The following TBC1D12 variants were observed in gnomAD, a reference collection of about 807,000 sequenced individuals.
TBC1D12 encodes the protein TBC1 domain family, member 12.
Under a neutral mutation model 86.7 loss-of-function variants are expected in TBC1D12, and 56 were observed. The ratio of observed to expected loss-of-function variants is 0.65; its 90% CI spans 0.52 to 0.81. The LOEUF is 0.81. TBC1D12 is among the 30% of genes least tolerant of loss of function. The pLI, the probability that TBC1D12 is intolerant of heterozygous loss-of-function variation, is 0.00. For missense variants in TBC1D12, 1,023 were observed against 1,038.8 expected, an observed-to-expected ratio of 0.98 and a Z score of 0.21; for synonymous variants, 421 against 411.7, an observed-to-expected ratio of 1.02 and a Z score of -0.27.
intron 3 of TBC1D12, among the ~76,000 whole-genome samples, chr10:94,485,663 T>C (rs1229713322): frequency 6.6e-6 from 1 of 151,898 alleles, no homozygotes; most frequent in African/African-American, 2.4e-5. Flanking sequence ...TTGAGTAGGA[T>C]TGTTGTCAGT....
intron 4 of TBC1D12, 22 bp from the exon 5 acceptor site, chr10:94,497,033 A>G (rs750742905): frequency 1.4e-6 from 2 of 1,445,704 alleles, no homozygotes; most frequent in Non-Finnish European, 1.9e-6. Flanking sequence ...GTATTGAAAT[A>G]ATTTTTACTC....
intron 1 of TBC1D12, 138 bp downstream of exon 1, chr10:94,403,722 C>A: frequency 1.9e-6 from 2 of 1,077,802 alleles, no homozygotes; most frequent in South Asian, 1.9e-5. Flanking sequence ...CCACACGCGT[C>A]AGGACTTAGC....
chr10:94,520,295 G>A (rs534196682), intron 9 of TBC1D12, among the ~76,000 whole-genome samples: 1 of 152,192 alleles, frequency 6.6e-6, no homozygotes, highest in East Asian at 1.9e-4. Flanking sequence ...GCTCACGCCT[G>A]TAATCCCAGC....
chr10:94,465,472 GC>G (rs2055792447), intron 2 of TBC1D12, among the ~76,000 whole-genome samples: 2 of 151,762 alleles, frequency 1.3e-5, no homozygotes, highest in Non-Finnish European at 2.9e-5. Context: ...ATGGTGAAAA[GC>G]CATCTCTACT....
chr10:94,532,028 C>T (rs1361551834), intron 12 of TBC1D12, among the ~76,000 whole-genome samples: 2 of 150,594 alleles, frequency 1.3e-5, no homozygotes, highest in Admixed American at 1.3e-4. Flanking sequence ...CTACAGGTGC[C>T]CGCCACCACG....
intron 2 of TBC1D12, among the ~76,000 whole-genome samples, chr10:94,448,256 T>C (rs2055499719): frequency 6.6e-6 from 1 of 152,230 alleles, no homozygotes; most frequent in African/African-American, 2.4e-5. Flanking sequence ...TTGTGAGCAG[T>C]AGTTAAATGT....
chr10:94,454,377 A>C (rs943065500), intron 2 of TBC1D12, among the ~76,000 whole-genome samples: 6 of 152,014 alleles, frequency 3.9e-5, no homozygotes, highest in Non-Finnish European at 7.4e-5. Flanking sequence ...ATGCCGGGCT[A>C]ATTTTCTATT....
intron 1 of TBC1D12, among the ~76,000 whole-genome samples, chr10:94,420,862 A>G (rs2134062161): frequency 6.6e-6 from 1 of 151,964 alleles, no homozygotes; most frequent in Middle Eastern, 3.4e-3. Context: ...TTTTCTTTCA[A>G]GTTTTATTTT....
intron 1 of TBC1D12, among the ~76,000 whole-genome samples, chr10:94,430,111 G>A (rs1415232719): frequency 6.6e-6 from 1 of 152,054 alleles, no homozygotes; most frequent in Non-Finnish European, 1.5e-5. Flanking sequence ...GTCTGGCCTC[G>A]AACTCCAGGG....
chr10:94,520,391 A>G (rs936822309), intron 9 of TBC1D12, among the ~76,000 whole-genome samples: 1 of 152,016 alleles, frequency 6.6e-6, no homozygotes, highest in Non-Finnish European at 1.5e-5. Context: ...CGTCTCTACT[A>G]AAAATACAAA....
chr10:94,435,949 C>T (rs1275000250), intron 1 of TBC1D12, among the ~76,000 whole-genome samples: 1 of 152,154 alleles, frequency 6.6e-6, no homozygotes, highest in Non-Finnish European at 1.5e-5. Context: ...TCTGCAGTGC[C>T]ACCTGTGTTT....
chr10:94,423,917 A>G (rs1338499124), intron 1 of TBC1D12, among the ~76,000 whole-genome samples: 1 of 152,236 alleles, frequency 6.6e-6, no homozygotes, highest in African/African-American at 2.4e-5. Context: ...TTCCACATCT[A>G]TGGATTCAAC....
intron 4 of TBC1D12, among the ~76,000 whole-genome samples, 177 bp from the exon 5 acceptor site, chr10:94,496,878 T>C (rs1281439989): frequency 6.6e-6 from 1 of 152,202 alleles, no homozygotes; most frequent in African/African-American, 2.4e-5. Flanking sequence ...ATCAAGTTCA[T>C]TTACTTTCAC....
rs79625711 is a variant in TBC1D12 at position 94,475,343 on chromosome 10, G to A, written c.1211+560G>A. 4.0e-3 allele frequency among the ~76,000 whole-genome samples: 608 copies of A among 152,302 alleles called. 5 individuals are homozygous for A. The highest frequency in any genetic ancestry group is 0.014 in the African/African-American group (580 of 41,556). ...GAAGTAAGAGTACACTCCCAAGAGA[G>A]GAGTGAGCTGACCTGGCTGGGAGCC... On this transcript the variant is annotated intron_variant, in intron 3 of 12. Coordinates refer to ENST00000225235, the MANE Select transcript of TBC1D12 (RefSeq NM_015188.2).
chr10:94,426,558 A>T (rs764601916), intron 1 of TBC1D12, among the ~76,000 whole-genome samples: 7 of 151,904 alleles, frequency 4.6e-5, no homozygotes, highest in Non-Finnish European at 8.8e-5. Flanking sequence ...CCTTTTACAT[A>T]TTGTCAGATT....
rs921910606 is a variant in TBC1D12, at chr10:94,456,295, G to A, written c.1095+14276G>A. On this transcript the variant is annotated intron_variant, in intron 2 of 12. Transcript: ENST00000225235. Reference sequence around the variant, plus strand: ...TTTTAGATCTTTCTTCTTTTCTCATGTATTCATTCAAAGCAATACTTTTGC... The same window carrying A: ...TTTTAGATCTTTCTTCTTTTCTCATATATTCATTCAAAGCAATACTTTTGC... Among the ~76,000 whole-genome samples the A allele has an allele frequency of 1.2e-4, 19 of 152,182 alleles. No individual in the cohort carries two copies. The South Asian group carries it at 3.5e-3, about 28-fold the overall frequency.
At chr10:94,467,942 A>G (rs1414980429) in intron 2 of TBC1D12, among the ~76,000 whole-genome samples, 2 of 152,274 alleles carry the variant, frequency 1.3e-5, no homozygotes, top group African/African-American at 4.8e-5. Flanking sequence ...ATGCAGTGAC[A>G]AACTATTAAC....
chr10:94,418,339 G>A (rs531332990), intron 1 of TBC1D12, among the ~76,000 whole-genome samples: 5 of 152,100 alleles, frequency 3.3e-5, no homozygotes, highest in South Asian at 2.1e-4. Flanking sequence ...TGGCAGCTGC[G>A]CAGCTTTTAA....
At chr10:94,500,365 A>G (rs186458167) in intron 6 of TBC1D12, 38 bp downstream of exon 6, 2 of 1,563,540 alleles carry the variant, frequency 1.3e-6, no homozygotes, top group African/African-American at 1.4e-5. Context: ...ACATGTACAA[A>G]TAGCCATCTA....
Sources: gnomAD v4.1 joint callset for allele counts (sites outside exome capture counted in the v4.1 genomes callset) on GRCh38, gnomAD v4.1.1 for gene constraint, MANE v1.5 for transcripts, NCBI Gene and HGNC (gene_info 2026-07-23, HGNC 2026-07-21) for gene names.